The following IHO1 variants were observed in gnomAD, a reference collection of about 807,000 sequenced individuals.
IHO1 encodes interactor of HORMAD1 1, also known as interactor of HORMAD1 protein 1.
A neutral mutation model predicts 31.0 loss-of-function variants in IHO1; 13 were observed. The ratio of observed to expected loss-of-function variants is 0.42; its 90% CI spans 0.27 to 0.67. The LOEUF is 0.67. IHO1 is among the 30% of genes least tolerant of loss of function. IHO1 has a pLI of 0.24. For missense variants in IHO1, 599 were observed against 687.5 expected (o/e 0.87, Z 1.44); for synonymous variants, 221 against 248.4 (o/e 0.89, Z 1.04).
chr3:49,194,050 A>T (rs1392166539), upstream of IHO1, among the ~76,000 whole-genome samples: 1 of 150,102 alleles, frequency 6.7e-6, no homozygotes, highest in Admixed American at 6.7e-5. Context: ...CAGGCAGATC[A>T]TGAGGTCAGG....
intron 1 of IHO1, chr3:49,200,680 T>C (rs540456639): frequency 4.1e-6 from 2 of 486,724 alleles, no homozygotes; most frequent in South Asian, 9.0e-5. Flanking sequence ...CACTCAACTT[T>C]TTCTCCCCTT....
At chr3:49,242,531 G>T (rs752397495) in intron 4 of IHO1, among the ~76,000 whole-genome samples, 1 of 152,226 alleles carries the variant, frequency 6.6e-6, no homozygotes, top group Middle Eastern at 3.4e-3. Flanking sequence ...ATTTCTAAGA[G>T]AAATGTAATA....
At chr3:49,235,313 G>A (rs1453123669) in intron 2 of IHO1, among the ~76,000 whole-genome samples, 3 of 147,896 alleles carry the variant, frequency 2.0e-5, no homozygotes, top group Non-Finnish European at 3.0e-5. Flanking sequence ...TACAAGCTCC[G>A]CCTCCTGGGT....
intron 2 of IHO1, among the ~76,000 whole-genome samples, chr3:49,212,225 G>A (rs1230665220): frequency 1.3e-5 from 2 of 150,990 alleles, no homozygotes; most frequent in Non-Finnish European, 2.9e-5. Flanking sequence ...ATGGGTTCCT[G>A]GTCAGGCATG....
upstream of IHO1, among the ~76,000 whole-genome samples, chr3:49,196,126 T>C (rs2045994654): frequency 6.7e-6 from 1 of 149,084 alleles, no homozygotes; most frequent in Non-Finnish European, 1.5e-5. Context: ...TAGTCCCAGC[T>C]ACTCAGGAGG....
intron 6 of IHO1, among the ~76,000 whole-genome samples, chr3:49,250,629 G>A (rs1445316656): frequency 6.6e-6 from 1 of 152,172 alleles, no homozygotes; most frequent in African/African-American, 2.4e-5. Context: ...GACTAATTGG[G>A]TTTAGGAGCA....
intron 1 of IHO1, among the ~76,000 whole-genome samples, chr3:49,205,766 ATT>A (rs71627374): frequency 7.8e-5 from 9 of 115,312 alleles, no homozygotes; most frequent in Admixed American, 9.8e-5. Flanking sequence ...CGCCTGGGCA[ATT>A]TTTTTTTTTT....
intron 1 of IHO1, among the ~76,000 whole-genome samples, chr3:49,202,180 G>A (rs2046077896): frequency 6.6e-6 from 1 of 151,992 alleles, no homozygotes; most frequent in Non-Finnish European, 1.5e-5. Flanking sequence ...AGTTAATAGT[G>A]TATTAGAATG....
Position 49,241,373 on chromosome 3 carries a change from A to G in IHO1, c.379A>G (p.Lys127Glu), listed in dbSNP as rs371220283. ...GTTTGAGGAGAAAAAGAAAAGGGCA[A>G]AAGACAAATGTGACAGGTATGTAAA... The part of the protein sequence containing the change: ...EQFEEKKKRA[K>E]DKCDSETLYN... Residue 127 changes from lysine (K) to glutamate (E), a missense_variant, in exon 4 of 8, where the codon AAA (lysine) becomes GAA (glutamate). Physicochemically the swap from Lys to Glu is moderately conservative, Grantham distance 56 (BLOSUM62 1). Coordinates refer to ENST00000452691, the MANE Select transcript of IHO1 (RefSeq NM_001135197.2). The G allele has an allele frequency of 1.9e-5, 31 of 1,610,152 alleles. No individual in the cohort carries two copies. The highest frequency in any genetic ancestry group is 2.6e-5 in the Non-Finnish European group (31 of 1,178,702).
chr3:49,205,628 C>G (rs1158771507), intron 1 of IHO1, among the ~76,000 whole-genome samples: 1 of 149,944 alleles, frequency 6.7e-6, no homozygotes, highest in Non-Finnish European at 1.5e-5. Context: ...AGAGTTTGCT[C>G]TGTTACCCAG....
intron 3 of IHO1, among the ~76,000 whole-genome samples, chr3:49,238,395 A>G (rs11130186): frequency 0.73 from 111,021 of 151,720 alleles, 41,129 homozygotes; most frequent in East Asian, 0.99. Flanking sequence ...GACCAAATGG[A>G]TAAAACAGGA....
chr3:49,202,854 T>A (rs1219651865), intron 1 of IHO1, among the ~76,000 whole-genome samples: 3 of 137,970 alleles, frequency 2.2e-5, no homozygotes, highest in Non-Finnish European at 4.8e-5. Context: ...TTTTTGTATT[T>A]TTTTTTTTTT....
intron 6 of IHO1, among the ~76,000 whole-genome samples, chr3:49,246,715 C>T (rs2046699323): frequency 6.6e-6 from 1 of 151,898 alleles, no homozygotes; most frequent in African/African-American, 2.4e-5. Context: ...AAAAGTATGG[C>T]GTTTAAATCC....
chr3:49,212,626 C>G (rs1461872908), intron 2 of IHO1, among the ~76,000 whole-genome samples: 1 of 152,038 alleles, frequency 6.6e-6, no homozygotes, highest in Admixed American at 6.6e-5. Context: ...GGCCAAAGAC[C>G]CTTGCGGTGA....
intron 2 of IHO1, among the ~76,000 whole-genome samples, chr3:49,213,569 C>T (rs941614216): frequency 6.6e-5 from 10 of 152,342 alleles, no homozygotes; most frequent in South Asian, 2.1e-4. Context: ...TCGATGGGAC[C>T]GGGCACCACG....
chr3:49,212,924 G>C (rs1034479579), intron 2 of IHO1, among the ~76,000 whole-genome samples: 1 of 152,146 alleles, frequency 6.6e-6, no homozygotes, highest in African/African-American at 2.4e-5. Flanking sequence ...CCCTTATCTG[G>C]CCCCACCCAC....
intron 4 of IHO1, among the ~76,000 whole-genome samples, chr3:49,242,274 G>A (rs548333902): frequency 1.1e-3 from 163 of 151,928 alleles, no homozygotes; most frequent in Non-Finnish European, 2.1e-3. Flanking sequence ...TTCGATCAGA[G>A]GCACACACAG....
At position 49,236,587 on chromosome 3, in the gene IHO1, T is replaced by C; in HGVS notation, c.96T>C (p.Asp32=). The C allele has an allele frequency of 6.2e-7, 1 of 1,612,508 alleles. No individual in the cohort carries two copies. The highest frequency in any genetic ancestry group is 8.5e-7 in the Non-Finnish European group (1 of 1,179,256). ...KSSNWNNNQN[D]YSSLSDSQFL... The stretch of plus-strand genomic sequence containing the variant: ...CCAACTGGAATAATAATCAAAATGA[T>C]TATTCCAGTCTCAGTGATTCCCAGT... The change falls in exon 3 of 8, where the codon GAT becomes GAC. Residue 32 remains aspartate, a synonymous_variant. Coordinates refer to ENST00000452691, the MANE Select transcript of IHO1 (RefSeq NM_001135197.2).
intron 6 of IHO1, among the ~76,000 whole-genome samples, chr3:49,251,849 G>A (rs1370226795): frequency 6.6e-6 from 1 of 151,988 alleles, no homozygotes; most frequent in Non-Finnish European, 1.5e-5. Context: ...TGATCTGCCC[G>A]CGTCGGCCAC....
Sources: gnomAD v4.1 joint callset for allele counts (sites outside exome capture counted in the v4.1 genomes callset) on GRCh38, gnomAD v4.1.1 for gene constraint, MANE v1.5 for transcripts, NCBI Gene and HGNC (gene_info 2026-07-23, HGNC 2026-07-21) for gene names.